Variants in NME7 observed in about 807,000 individuals in gnomAD.
NME7 encodes nucleoside diphosphate kinase 7.
In NME7, 41 loss-of-function variants were observed where a neutral mutation model predicts 49.1. The ratio of observed to expected loss-of-function variants is 0.83; its 90% CI spans 0.65 to 1.08. The LOEUF (loss-of-function observed/expected upper bound fraction) is 1.08. NME7 is among the 50% of genes least tolerant of loss of function. NME7 has a pLI of 0.00. For missense variants in NME7, 423 were observed against 463.4 expected (o/e 0.91, Z 0.80); for synonymous variants, 139 against 150.6 (o/e 0.92, Z 0.56).
At chr1:169,300,117 C>T (rs1162622490) in intron 5 of NME7, among the ~76,000 whole-genome samples, 1 of 152,108 alleles carries the variant, frequency 6.6e-6, no homozygotes, top group African/African-American at 2.4e-5. Flanking sequence ...ATTACTTCAC[C>T]TAGTCTTTTG....
intron 4 of NME7, among the ~76,000 whole-genome samples, chr1:169,308,186 C>A (rs1651252146): frequency 6.6e-6 from 1 of 152,004 alleles, no homozygotes; most frequent in African/African-American, 2.4e-5. Context: ...ACTAGGAGAT[C>A]ATACATAAGG....
intron 9 of NME7, among the ~76,000 whole-genome samples, chr1:169,234,718 C>T (rs1430479990): frequency 6.6e-6 from 1 of 151,940 alleles, no homozygotes; most frequent in African/African-American, 2.4e-5. Context: ...TCTGACTCTA[C>T]AGAGGGGGAA....
At chr1:169,293,819 G>A (rs1650608063) in intron 6 of NME7, among the ~76,000 whole-genome samples, 1 of 151,930 alleles carries the variant, frequency 6.6e-6, no homozygotes, top group Non-Finnish European at 1.5e-5. Flanking sequence ...CATAAACATG[G>A]CATATATCTT....
chr1:169,170,103 T>C (rs1168182236), intron 10 of NME7, among the ~76,000 whole-genome samples: 1 of 152,198 alleles, frequency 6.6e-6, no homozygotes, highest in Admixed American at 6.5e-5. Context: ...TTTGAGCTCC[T>C]AGTGGTATGG....
At chr1:169,341,075 T>C (rs1449742270) in intron 1 of NME7, among the ~76,000 whole-genome samples, 1 of 152,122 alleles carries the variant, frequency 6.6e-6, no homozygotes, top group Non-Finnish European at 1.5e-5. Context: ...ATGGGGAAAA[T>C]GCCTCCAGGC....
intron 11 of NME7, among the ~76,000 whole-genome samples, chr1:169,155,184 G>A (rs959302905): frequency 4.0e-5 from 6 of 149,424 alleles, no homozygotes; most frequent in African/African-American, 1.5e-4. Flanking sequence ...TGTGATATAT[G>A]TTTTCCATAT....
intron 7 of NME7, 109 bp from the exon 8 acceptor site, chr1:169,237,796 TA>T (rs901969356): frequency 1.4e-6 from 1 of 691,792 alleles, no homozygotes; most frequent in Non-Finnish European, 2.5e-6. Context: ...ACTCTATATT[TA>T]AAAAAACACA....
chr1:169,351,395 G>A (rs962542885), intron 1 of NME7, among the ~76,000 whole-genome samples: 2 of 151,714 alleles, frequency 1.3e-5, no homozygotes, highest in African/African-American at 4.8e-5. Flanking sequence ...TATTAGTTAT[G>A]GAATGCTACT....
chr1:169,228,522 A>T (rs996139731), intron 10 of NME7, among the ~76,000 whole-genome samples: 10 of 151,424 alleles, frequency 6.6e-5, no homozygotes, highest in Non-Finnish European at 1.3e-4. Context: ...CTAAAAATAC[A>T]AAAAATTAGC....
At chr1:169,308,786 AT>A (rs1651277246) in intron 4 of NME7, among the ~76,000 whole-genome samples, 1 of 152,154 alleles carries the variant, frequency 6.6e-6, no homozygotes, top group Non-Finnish European at 1.5e-5. Context: ...GGATAAGTAA[AT>A]GTATAAGTCT....
intron 3 of NME7, among the ~76,000 whole-genome samples, chr1:169,320,910 G>A (rs1651830759): frequency 6.6e-6 from 1 of 152,110 alleles, no homozygotes. Flanking sequence ...AGTAGAAAGA[G>A]AATGAATTTT....
intron 9 of NME7, among the ~76,000 whole-genome samples, chr1:169,233,924 TC>T (rs1359749562): frequency 6.6e-6 from 1 of 151,494 alleles, no homozygotes; most frequent in Non-Finnish European, 1.5e-5. Context: ...CTCCTTTTTT[TC>T]CTTTGTTTCT....
At chr1:169,138,619 T>G (rs930337730) in intron 11 of NME7, among the ~76,000 whole-genome samples, 16 of 152,104 alleles carry the variant, frequency 1.1e-4, no homozygotes, top group African/African-American at 3.4e-4. Flanking sequence ...CTTGGGAGGC[T>G]GAGGTGAGGG....
chr1:169,193,372 C>G (rs1660289320), intron 10 of NME7, among the ~76,000 whole-genome samples: 1 of 152,126 alleles, frequency 6.6e-6, no homozygotes, highest in African/African-American at 2.4e-5. Flanking sequence ...TAATTACATC[C>G]TGAGAACACC....
chr1:169,247,272 T>C (rs924128975), intron 7 of NME7, among the ~76,000 whole-genome samples: 4 of 152,168 alleles, frequency 2.6e-5, no homozygotes, highest in African/African-American at 9.7e-5. Context: ...ACAGAAAAGT[T>C]AACCACACAA....
chr1:169,322,519 G>A (rs925962673), intron 3 of NME7: 1 of 151,824 alleles, frequency 6.6e-6, no homozygotes, highest in African/African-American at 2.4e-5. Flanking sequence ...TACTGTTTGA[G>A]GTATCACTAC....
chr1:169,367,072 A>G (rs1293180462), intron 1 of NME7, among the ~76,000 whole-genome samples: 2 of 152,166 alleles, frequency 1.3e-5, no homozygotes, highest in African/African-American at 4.8e-5. Context: ...TTTCATTCAG[A>G]ATTTCCAGGG....
chr1:169,278,581 C>T (rs1649853457), intron 7 of NME7, among the ~76,000 whole-genome samples: 1 of 152,192 alleles, frequency 6.6e-6, no homozygotes, highest in South Asian at 2.1e-4. Flanking sequence ...TCTAGTTATA[C>T]ATTCGTCGAA....
chr1:169,351,413 G>A (rs972623009), intron 1 of NME7, among the ~76,000 whole-genome samples: 1 of 151,770 alleles, frequency 6.6e-6, no homozygotes, highest in African/African-American at 2.4e-5. Context: ...ACTAGCTAGG[G>A]AATTCAGTGA....
Sources: gnomAD v4.1 joint callset for allele counts (sites outside exome capture counted in the v4.1 genomes callset) on GRCh38, gnomAD v4.1.1 for gene constraint, MANE v1.5 for transcripts, NCBI Gene and HGNC (gene_info 2026-07-23, HGNC 2026-07-21) for gene names.